Variants in LRRC4C observed in about 807,000 individuals in gnomAD.
LRRC4C encodes the protein leucine rich repeat containing 4C.
LRRC4C carries 5 observed loss-of-function variants against 33.6 expected under a neutral mutation model. The observed-to-expected ratio is 0.15, with a 90% confidence interval of 0.08 to 0.31. LRRC4C has a LOEUF of 0.31. Among genes scored for constraint, LRRC4C ranks in the 10% least tolerant of loss-of-function variants. The probability of loss-of-function intolerance (pLI) is 1.00; values close to 1 mark genes in which losing one functional copy is unlikely to be tolerated. For missense variants in LRRC4C, 560 were observed against 796.7 expected, an observed-to-expected ratio of 0.70 and a Z score of 3.58; for synonymous variants, 329 against 302.0, an observed-to-expected ratio of 1.09 and a Z score of -0.93.
At chr11:41,128,701 A>G (rs1330308597) in intron 1 of LRRC4C, among the ~76,000 whole-genome samples, 1 of 152,056 alleles carries the variant, frequency 6.6e-6, no homozygotes, top group African/African-American at 2.4e-5. Flanking sequence ...GAATTATTCT[A>G]TAATTGTCTC....
chr11:40,827,039 C>A (rs1377562136), intron 2 of LRRC4C, among the ~76,000 whole-genome samples: 2 of 151,892 alleles, frequency 1.3e-5, no homozygotes. Flanking sequence ...ATCCACTAAT[C>A]ACACAACATG....
chr11:41,103,760 G>A (rs1941338033), intron 1 of LRRC4C, among the ~76,000 whole-genome samples: 1 of 151,924 alleles, frequency 6.6e-6, no homozygotes, highest in Non-Finnish European at 1.5e-5. Flanking sequence ...AATCAAGAGA[G>A]TATGGTGTTT....
intron 1 of LRRC4C, among the ~76,000 whole-genome samples, chr11:41,157,643 G>A (rs2136003493): frequency 6.6e-6 from 1 of 152,228 alleles, no homozygotes; most frequent in Non-Finnish European, 1.5e-5. Flanking sequence ...CAGGGCAGGT[G>A]AAATAATCAT....
At chr11:40,834,907 G>GACACACACACACAC (rs778150169) in intron 2 of LRRC4C, among the ~76,000 whole-genome samples, 9 of 45,286 alleles carry the variant, frequency 2.0e-4, no homozygotes, top group African/African-American at 3.9e-4. Context: ...CAGACAGACA[G>GACACACACACACAC]ACAGACACAC....
intron 1 of LRRC4C, among the ~76,000 whole-genome samples, chr11:41,251,993 C>A (rs190853354): frequency 1.2e-4 from 18 of 151,758 alleles, no homozygotes; most frequent in Non-Finnish European, 5.9e-5. Context: ...TATATGCATG[C>A]CAGGTGTTAA....
intron 2 of LRRC4C, among the ~76,000 whole-genome samples, chr11:40,889,261 G>A (rs1485274836): frequency 6.6e-6 from 1 of 152,010 alleles, no homozygotes; most frequent in African/African-American, 2.4e-5. Context: ...TTCCTGTCAA[G>A]GAAAGATGCT....
chr11:40,783,016 C>A (rs1036438951), intron 2 of LRRC4C, among the ~76,000 whole-genome samples: 2 of 152,032 alleles, frequency 1.3e-5, no homozygotes, highest in African/African-American at 4.8e-5. Context: ...GACATAAATA[C>A]AACAATTTTG....
At chr11:40,704,775 TAGCTATTATTAACAATATC>T in intron 2 of LRRC4C, among the ~76,000 whole-genome samples, 1 of 152,146 alleles carries the variant, frequency 6.6e-6, no homozygotes, top group South Asian at 2.1e-4. Context: ...CAATAAATAT[TAGCTATTATTAACAATATC>T]ATTTATAATA....
intron 1 of LRRC4C, among the ~76,000 whole-genome samples, chr11:41,347,392 C>T (rs879334832): frequency 3.9e-5 from 6 of 152,154 alleles, no homozygotes; most frequent in Non-Finnish European, 7.3e-5. Flanking sequence ...GAATGGATGT[C>T]ACACTCAGTG....
intron 1 of LRRC4C, among the ~76,000 whole-genome samples, chr11:41,069,957 C>A (rs563399525): frequency 1.3e-5 from 2 of 152,142 alleles, no homozygotes; most frequent in South Asian, 2.1e-4. Context: ...CCTGTATAAC[C>A]AAGACAATCC....
intron 5 of LRRC4C, among the ~76,000 whole-genome samples, chr11:40,148,565 T>C (rs1277948437): frequency 2.0e-5 from 3 of 152,206 alleles, no homozygotes; most frequent in Non-Finnish European, 2.9e-5. Context: ...AAGTTCCTTA[T>C]AGATGCTGGA....
chr11:40,670,244 G>A (rs573564359), intron 2 of LRRC4C, among the ~76,000 whole-genome samples: 3 of 152,116 alleles, frequency 2.0e-5, no homozygotes, highest in South Asian at 2.1e-4. Flanking sequence ...CATACACTGC[G>A]GTGTCCCTGT....
At chr11:41,381,507 A>T (rs533748499) in intron 1 of LRRC4C, among the ~76,000 whole-genome samples, 2 of 151,948 alleles carry the variant, frequency 1.3e-5, no homozygotes, top group African/African-American at 2.4e-5. Flanking sequence ...CACACCTGTA[A>T]TCTCAGCTGT....
At chr11:41,305,684 T>G (rs2137131650) in intron 1 of LRRC4C, among the ~76,000 whole-genome samples, 1 of 97,772 alleles carries the variant, frequency 1.0e-5, no homozygotes, top group African/African-American at 3.2e-5. Flanking sequence ...ATGGGCTTTG[T>G]TAAACAGATG....
chr11:41,008,519 AC>A (rs1203963161), intron 1 of LRRC4C, among the ~76,000 whole-genome samples: 2 of 152,058 alleles, frequency 1.3e-5, no homozygotes, highest in Non-Finnish European at 2.9e-5. Flanking sequence ...ACTCACTCAC[AC>A]TTGTATTCTG....
At chr11:41,166,567 C>G (rs1944738558) in intron 1 of LRRC4C, among the ~76,000 whole-genome samples, 1 of 152,054 alleles carries the variant, frequency 6.6e-6, no homozygotes, top group South Asian at 2.1e-4. Flanking sequence ...AGTTTGTGCC[C>G]TCTGTTAGAA....
intron 3 of LRRC4C, among the ~76,000 whole-genome samples, chr11:40,399,251 C>T (rs895411573): frequency 1.3e-5 from 2 of 152,024 alleles, no homozygotes; most frequent in Non-Finnish European, 2.9e-5. Flanking sequence ...TATTGTGGCA[C>T]TATTCACAAT....
intron 3 of LRRC4C, among the ~76,000 whole-genome samples, chr11:40,483,501 T>G (rs752625736): frequency 1.3e-5 from 2 of 151,924 alleles, no homozygotes; most frequent in Non-Finnish European, 2.9e-5. Context: ...ATTTAGGCAA[T>G]TACACATGTG....
chr11:41,113,030 G>T (rs920448152), intron 1 of LRRC4C, among the ~76,000 whole-genome samples: 1 of 152,042 alleles, frequency 6.6e-6, no homozygotes, highest in Non-Finnish European at 1.5e-5. Context: ...GTCTTTATTT[G>T]TGTATAGGTT....
Sources: gnomAD v4.1 joint callset for allele counts (sites outside exome capture counted in the v4.1 genomes callset) on GRCh38, gnomAD v4.1.1 for gene constraint, MANE v1.5 for transcripts, NCBI Gene and HGNC (gene_info 2026-07-23, HGNC 2026-07-21) for gene names.